Variants in GPATCH3 observed in about 807,000 individuals in gnomAD.
The protein encoded by GPATCH3 is G patch domain-containing protein 3.
In GPATCH3, 45 loss-of-function variants were observed where a neutral mutation model predicts 53.2. That is an observed-to-expected ratio of 0.85 (90% CI 0.67 to 1.08). The LOEUF is 1.08. Among genes scored for constraint, GPATCH3 ranks in the 50% least tolerant of loss-of-function variants. The pLI is 0.00. For missense variants in GPATCH3, 680 were observed against 687.2 expected, an observed-to-expected ratio of 0.99 and a Z score of 0.12; for synonymous variants, 280 against 270.6, an observed-to-expected ratio of 1.03 and a Z score of -0.34.
At position 26,896,655 on chromosome 1, in the gene GPATCH3, C is replaced by T. The variant is rs372562819; in HGVS notation, c.876+646G>A. 1.5e-4 allele frequency among the ~76,000 whole-genome samples: 22 copies of T among 149,614 alleles called. No homozygotes were observed. The East Asian group carries it at 3.1e-3, about 21-fold the overall frequency. On this transcript the variant is annotated intron_variant, in intron 2 of 6. Transcript: ENST00000361720. ...GGTGGAGGTTGCAGTGAGCCGAGAT[C>T]GCACCACTTCACTCCAGCCTGGGTG...
At chr1:26,898,852 A>G (rs1270190904) in intron 1 of GPATCH3, among the ~76,000 whole-genome samples, 3 of 151,896 alleles carry the variant, frequency 2.0e-5, no homozygotes, top group African/African-American at 7.3e-5. Context: ...TTTGGTAGAG[A>G]CAGGGTTTCA....
In GPATCH3 at chr1:26,897,385, G is replaced by T. The variant is rs747210463; in HGVS notation, c.792C>A (p.Tyr264Ter). ...AEGEEIPQGT[Y>*]LADIPASPCG... ...AGGGGCTGGCTGGTATATCTGCCAGGTAGGTTCCTTGGGGTATTTCTTCAC... is the reference window on the plus strand; with the variant it reads ...AGGGGCTGGCTGGTATATCTGCCAGTTAGGTTCCTTGGGGTATTTCTTCAC... The change falls in exon 2 of 7, where the codon TAC (tyrosine) becomes TAA (stop). Residue 264 changes from tyrosine to a stop codon, truncating the protein, a stop_gained. Transcript: ENST00000361720. LOFTEE classifies it high-confidence loss of function. The T allele has an allele frequency of 6.2e-7, 1 of 1,614,130 alleles. No homozygotes were observed.
At chr1:26,898,602 C>T (rs115445888) in intron 1 of GPATCH3, among the ~76,000 whole-genome samples, 2,215 of 152,146 alleles carry the variant, frequency 0.015, 21 homozygotes, top group Non-Finnish European at 0.021. Flanking sequence ...ACTCCCACCT[C>T]CTGCATGTCT....
chr1:26,890,801 C>T lies in GPATCH3; in HGVS notation c.*209G>A, dbSNP rs571340158. 5.2e-6 allele frequency: 4 copies of T among 766,410 alleles called. No individual in the cohort carries two copies. The highest frequency in any genetic ancestry group is 5.0e-5 in the East Asian group (2 of 40,154). 47.5% of individuals were successfully genotyped at this position (766,410 alleles called of 1,614,324 possible). ...AGAGACCAAAGACAAGCGGTCGTTA[C>T]CCCTAATATCCAAGGGGAGGGGACG... is the stretch of plus-strand genomic sequence containing the variant. On this transcript the variant is annotated 3_prime_UTR_variant, in exon 7 of 7. Coordinates refer to ENST00000361720, the MANE Select transcript of GPATCH3 (RefSeq NM_022078.3).
intron 2 of GPATCH3, 37 bp from the exon 3 acceptor site, chr1:26,894,447 T>C: frequency 6.2e-7 from 1 of 1,602,720 alleles, no homozygotes. Flanking sequence ...CTGAGCTTCC[T>C]GACCTCATGC....
In GPATCH3 at chr1:26,892,690, T is replaced by TGCCC. The variant is rs1162311819; in HGVS notation, c.1209_1212dup (p.Thr405GlyfsTer4). ...CTCACCTTGGTGTGGCGCTCAAAGG[T>TGCCC]GCCCACCTGGCGTTCGATCACAGAG... On this transcript the variant is annotated frameshift_variant, in exon 5 of 7. Coordinates refer to ENST00000361720, the MANE Select transcript of GPATCH3 (RefSeq NM_022078.3). LOFTEE classifies it high-confidence loss of function. The TGCCC allele has an allele frequency of 6.2e-7, 1 of 1,613,964 alleles. No homozygotes were observed. Among genetic ancestry groups the TGCCC allele is most frequent in the Non-Finnish European group, 8.5e-7 (1 of 1,180,014 alleles).
chr1:26,897,188 T>C, intron 2 of GPATCH3, 113 bp downstream of exon 2: 2 of 981,100 alleles, frequency 2.0e-6, no homozygotes, highest in Non-Finnish European at 3.1e-6. Context: ...CTTGGAACCC[T>C]CCTGAGGACC....
At position 26,897,424 on chromosome 1, in the gene GPATCH3, C is replaced by T. The variant is rs890812564; in HGVS notation, c.753G>A (p.Val251=). Residue 251 remains valine (V), a synonymous_variant, in exon 2 of 7, where the codon GTG becomes GTA. Transcript: ENST00000361720. ...DSETVEQEEL[V]YTAEGEEIPQ... The stretch of plus-strand genomic sequence containing the variant: ...GTATTTCTTCACCCTCTGCTGTATA[C>T]ACAAGCTCTTCCTGCTCCACAGTCT... 1.2e-6 allele frequency: 2 copies of T among 1,614,208 alleles called. No homozygotes were observed. The highest frequency in any genetic ancestry group is 1.3e-5 in the African/African-American group (1 of 75,042).
chr1:26,895,714 T>C (rs2124024120), intron 2 of GPATCH3, among the ~76,000 whole-genome samples: 2 of 149,310 alleles, frequency 1.3e-5, no homozygotes, highest in South Asian at 4.6e-4. Context: ...CTCAGCTCAC[T>C]GCAACCTCCA....
chr1:26,896,323 T>C (rs926641084), intron 2 of GPATCH3, among the ~76,000 whole-genome samples: 4 of 151,920 alleles, frequency 2.6e-5, no homozygotes, highest in African/African-American at 9.7e-5. Context: ...AATTTTTTTT[T>C]TTTTTCTCAG....
rs377480001 is a variant in GPATCH3 at position 26,890,884 on chromosome 1, C to T, written c.*126G>A. ...TATAGAACCGGCAGGCAGGCAGGCT[C>T]GGAACAAAACACCCTGAACCAGCCA... On this transcript the variant is annotated 3_prime_UTR_variant, in exon 7 of 7. Coordinates refer to ENST00000361720, the MANE Select transcript of GPATCH3 (RefSeq NM_022078.3). The T allele has an allele frequency of 2.9e-5, 27 of 936,344 alleles. No homozygotes were observed. In the Middle Eastern group the frequency reaches 7.2e-4, roughly 25 times the overall value. The allele number at this position is 936,344 out of a possible 1,614,324, so 58.0% of individuals were successfully genotyped here. A position where few individuals can be genotyped will look rare whatever the true frequency, so the allele number is the denominator to read the frequency against.
chr1:26,896,328 T>C (rs933192887), intron 2 of GPATCH3, among the ~76,000 whole-genome samples: 6 of 151,772 alleles, frequency 4.0e-5, no homozygotes, highest in Non-Finnish European at 8.8e-5. Flanking sequence ...TTTTTTTTTT[T>C]CTCAGCTCAC....
intron 4 of GPATCH3, 43 bp from the exon 5 acceptor site, chr1:26,892,834 G>A (rs368048283): frequency 1.4e-5 from 22 of 1,601,798 alleles, no homozygotes; most frequent in Non-Finnish European, 1.8e-5. Flanking sequence ...CCCTCTCAAA[G>A]AAGGGGGAAG....
At chr1:26,899,843 C>T (rs1035870921) in intron 1 of GPATCH3, 149 bp downstream of exon 1, 3 of 691,790 alleles carry the variant, frequency 4.3e-6, no homozygotes, top group African/African-American at 3.6e-5. Context: ...TGGACTAACT[C>T]CCTGCAAGTT....
intron 2 of GPATCH3, among the ~76,000 whole-genome samples, chr1:26,894,867 G>C (rs1376287885): frequency 6.6e-6 from 1 of 152,096 alleles, no homozygotes; most frequent in Non-Finnish European, 1.5e-5. Context: ...ATTGTCTCTG[G>C]TGTGTCAGGC....
intron 2 of GPATCH3, among the ~76,000 whole-genome samples, chr1:26,895,522 TAAAAA>T (rs763002456): frequency 2.4e-5 from 2 of 84,446 alleles, no homozygotes; most frequent in South Asian, 3.8e-4. Flanking sequence ...AGAGCCTGCT[TAAAAA>T]AAAAAAAAAA....
intron 1 of GPATCH3, among the ~76,000 whole-genome samples, 171 bp downstream of exon 1, chr1:26,899,821 T>C (rs2081966991): frequency 6.6e-6 from 1 of 152,232 alleles, no homozygotes; most frequent in East Asian, 1.9e-4. Flanking sequence ...CGGTTTATTT[T>C]TCTCCATGTA....
chr1:26,890,885 G>T lies in GPATCH3; in HGVS notation c.*125C>A, dbSNP rs776954143. The stretch of plus-strand genomic sequence containing the variant: ...ATAGAACCGGCAGGCAGGCAGGCTC[G>T]GAACAAAACACCCTGAACCAGCCAC... On this transcript the variant is annotated 3_prime_UTR_variant, in exon 7 of 7. Coordinates refer to ENST00000361720, the MANE Select transcript of GPATCH3 (RefSeq NM_022078.3). 3.2e-6 allele frequency: 3 copies of T among 950,412 alleles called. No homozygotes were observed. The South Asian group carries it at 3.9e-5, about 12-fold the overall frequency. The allele number at this position is 950,412 out of a possible 1,614,324, so 58.9% of individuals were successfully genotyped here. A position where few individuals can be genotyped will look rare whatever the true frequency, so the allele number is the denominator to read the frequency against.
chr1:26,900,038 C>T lies in GPATCH3; in HGVS notation c.405G>A (p.Pro135=), dbSNP rs947730070. 4 of 1,614,158 alleles carry T rather than the reference C, an allele frequency of 2.5e-6. No homozygotes were observed. In the East Asian group the frequency reaches 8.9e-5, roughly 36 times the overall value. ...GAAGTCTGCGGATGAGACAGCGACCCGGTAGCCAAGTCCCGTGAGAATCCA... is the reference window on the plus strand; with the variant it reads ...GAAGTCTGCGGATGAGACAGCGACCTGGTAGCCAAGTCCCGTGAGAATCCA... ...RWLDSHGTWL[P]GRCLIRRLRL... The change falls in exon 1 of 7, where the codon CCG becomes CCA. Residue 135 remains proline (P), a synonymous_variant. Transcript: ENST00000361720.
Sources: allele counts gnomAD v4.1 joint callset (sites outside exome capture counted in the v4.1 genomes callset), GRCh38; gene constraint gnomAD v4.1.1; transcripts MANE v1.5; gene names NCBI Gene and HGNC (gene_info 2026-07-23, HGNC 2026-07-21).